FAM193A: variants seen among roughly 807,000 people sequenced by gnomAD.
FAM193A encodes family with sequence similarity 193 member A, also known as protein FAM193A.
A neutral mutation model predicts 126.5 loss-of-function variants in FAM193A; 22 were observed. The observed-to-expected ratio is 0.17, with a 90% CI of 0.12 to 0.25. The LOEUF (loss-of-function observed/expected upper bound fraction) is 0.25. FAM193A is among the 10% of genes least tolerant of loss of function. The pLI is 1.00. For synonymous variants in FAM193A, 761 were observed against 646.8 expected (o/e 1.18, Z -2.68); for missense variants, 1,675 against 1,672.8 (o/e 1.00, Z -0.02).
chr4:2,561,630 G>C (rs1408610810), intron 1 of FAM193A, among the ~76,000 whole-genome samples: 3 of 151,580 alleles, frequency 2.0e-5, no homozygotes, highest in Non-Finnish European at 4.4e-5. Context: ...CCGAGTAGCT[G>C]GGATTACAGC....
intron 1 of FAM193A, among the ~76,000 whole-genome samples, chr4:2,567,472 C>G (rs986460078): frequency 6.6e-6 from 1 of 152,076 alleles, no homozygotes; most frequent in South Asian, 2.1e-4. Context: ...GGTTTTAACA[C>G]AAAGTATTCA....
chr4:2,714,660 G>A lies in FAM193A; in HGVS notation c.4373-1363G>A, dbSNP rs575962429. 3.7e-4 allele frequency among the ~76,000 whole-genome samples: 56 copies of A among 152,284 alleles called. No individual in the cohort carries two copies. The South Asian group carries it at 0.011, about 30-fold the overall frequency. On this transcript the variant is annotated intron_variant, in intron 19 of 20. Coordinates refer to ENST00000637812, the MANE Select transcript of FAM193A (RefSeq NM_001366318.2). ...TGTCTGTGAACAAACACACTTGAAA[G>A]CACTTGCCTGGTGCTGTGTGAGTTG... is the stretch of plus-strand genomic sequence containing the variant.
chr4:2,690,777 A>C lies in FAM193A; in HGVS notation c.2610A>C (p.Ala870=), dbSNP rs373883738. 9 of 1,613,888 alleles carry C rather than the reference A, an allele frequency of 5.6e-6. No homozygotes were observed. The African/African-American group carries it at 8.0e-5, about 14-fold the overall frequency. Residue 870 remains alanine (A), a synonymous_variant, in exon 15 of 21, where the codon GCA becomes GCC. Transcript: ENST00000637812. ...LPPPSSNETP[A]VSDSKEKKNA... ...CTCCATCTAGCAATGAAACACCTGC[A>C]GTCTCGGATAGTAAAGAGAAAAAGA...
rs374603842 is a variant in FAM193A, at chr4:2,582,416, C to T, written c.256-13668C>T. Among the ~76,000 whole-genome samples, 6 of 152,252 alleles carry T rather than the reference C, an allele frequency of 3.9e-5. No homozygotes were observed. The South Asian group carries it at 8.3e-4, about 21-fold the overall frequency. On this transcript the variant is annotated intron_variant, in intron 1 of 20. Coordinates refer to ENST00000637812, the MANE Select transcript of FAM193A (RefSeq NM_001366318.2). The stretch of plus-strand genomic sequence containing the variant: ...CCAACAAGTGCTGGGATTACAGGCA[C>T]GAGCCCCATCGTACTTGGTCAGTGT...
intron 1 of FAM193A, among the ~76,000 whole-genome samples, chr4:2,558,223 C>A (rs1012462589): frequency 6.7e-6 from 1 of 149,624 alleles, no homozygotes; most frequent in African/African-American, 2.5e-5. Context: ...GAGCCTAGAT[C>A]GTGCTACTGT....
chr4:2,548,054 T>G (rs1737677665), intron 1 of FAM193A, among the ~76,000 whole-genome samples: 1 of 150,152 alleles, frequency 6.7e-6, no homozygotes, highest in Non-Finnish European at 1.5e-5. Flanking sequence ...GAGCAGTGTT[T>G]TATCAAGACT....
In FAM193A at chr4:2,729,124, C is replaced by T. The variant is rs138408487; in HGVS notation, c.4455-2651C>T. Among the ~76,000 whole-genome samples the T allele has an allele frequency of 5.3e-3, 805 of 152,128 alleles. 2 individuals carry two copies. The highest frequency in any genetic ancestry group is 6.6e-3 in the Non-Finnish European group (452 of 67,984). Reference sequence around the variant, plus strand: ...TAAAATAATAATTGGTCATAGCCAGCACCAGGGAAACTGAAGCTGGTGATC... The same window carrying T: ...TAAAATAATAATTGGTCATAGCCAGTACCAGGGAAACTGAAGCTGGTGATC... On this transcript the variant is annotated intron_variant, in intron 20 of 20. Transcript: ENST00000637812.
rs931693194 is a variant in FAM193A, at chr4:2,628,603, C to T, written c.803+2026C>T. 2.0e-5 allele frequency among the ~76,000 whole-genome samples: 3 copies of T among 152,052 alleles called. No homozygotes were observed. In the South Asian group the frequency reaches 6.2e-4, roughly 32 times the overall value. ...ACTGAGCTAGGATCGCTCCACTGCACACCAGCCTGGGCAACAGAGTAAAAT... is the reference window on the plus strand; with the variant it reads ...ACTGAGCTAGGATCGCTCCACTGCATACCAGCCTGGGCAACAGAGTAAAAT... On this transcript the variant is annotated intron_variant, in intron 4 of 20. Transcript: ENST00000637812.
At chr4:2,550,738 T>G (rs1006839844) in intron 1 of FAM193A, among the ~76,000 whole-genome samples, 2 of 151,790 alleles carry the variant, frequency 1.3e-5, no homozygotes, top group South Asian at 2.1e-4. Context: ...GCCTGTTGGT[T>G]GTTTTTTTTG....
At chr4:2,623,838 T>C (rs890406926) in intron 2 of FAM193A, among the ~76,000 whole-genome samples, 4 of 152,176 alleles carry the variant, frequency 2.6e-5, no homozygotes, top group Admixed American at 6.5e-5. Flanking sequence ...GGTGAATTCC[T>C]TTCTGGAAGT....
At chr4:2,605,593 T>C (rs942957941) in intron 2 of FAM193A, among the ~76,000 whole-genome samples, 2 of 152,182 alleles carry the variant, frequency 1.3e-5, no homozygotes, top group Non-Finnish European at 2.9e-5. Context: ...TGCTGAGCCA[T>C]AGGTGGTTTA....
At chr4:2,673,301 T>A (rs1277925061) in intron 13 of FAM193A, among the ~76,000 whole-genome samples, 1 of 152,240 alleles carries the variant, frequency 6.6e-6, no homozygotes, top group Non-Finnish European at 1.5e-5. Flanking sequence ...TGACATGGAA[T>A]GATTTTTTCC....
chr4:2,672,043 T>C, intron 12 of FAM193A, 78 bp from the exon 13 acceptor site: 1 of 1,506,950 alleles, frequency 6.6e-7, no homozygotes, highest in South Asian at 1.2e-5. Flanking sequence ...TTGTAACTAC[T>C]TGGCAGAATG....
At chr4:2,580,136 A>T (rs28850955) in intron 1 of FAM193A, among the ~76,000 whole-genome samples, 75 of 152,126 alleles carry the variant, frequency 4.9e-4, no homozygotes, top group African/African-American at 1.7e-3. Context: ...AGGGACTTGG[A>T]TGGAGCTAGA....
chr4:2,552,762 C>T (rs902218467), intron 1 of FAM193A, among the ~76,000 whole-genome samples: 4 of 151,326 alleles, frequency 2.6e-5, no homozygotes, highest in African/African-American at 9.7e-5. Flanking sequence ...TGGTCTTGAT[C>T]TCATGACCTC....
chr4:2,637,593 C>T (rs1373355080), intron 5 of FAM193A, among the ~76,000 whole-genome samples: 1 of 152,214 alleles, frequency 6.6e-6, no homozygotes, highest in African/African-American at 2.4e-5. Flanking sequence ...GAACAGTTTG[C>T]AGAGCCTGCC....
intron 20 of FAM193A, among the ~76,000 whole-genome samples, chr4:2,716,360 C>G (rs868361279): frequency 4.6e-5 from 7 of 152,186 alleles, no homozygotes; most frequent in South Asian, 2.1e-4. Context: ...GCTTCCCCCC[C>G]ACCCTTCCCC....
intron 14 of FAM193A, 24 bp from the exon 15 acceptor site, chr4:2,690,674 T>A: frequency 6.3e-7 from 1 of 1,593,838 alleles, no homozygotes; most frequent in Non-Finnish European, 8.5e-7. Flanking sequence ...TCAGAAGCCT[T>A]AATTTTCCTG....
intron 2 of FAM193A, among the ~76,000 whole-genome samples, chr4:2,608,580 A>G (rs1741680875): frequency 6.6e-6 from 1 of 152,164 alleles, no homozygotes; most frequent in Admixed American, 6.6e-5. Context: ...CAATATGCCC[A>G]TGGGCTTTGC....
Sources: allele counts gnomAD v4.1 joint callset (sites outside exome capture counted in the v4.1 genomes callset), GRCh38; gene constraint gnomAD v4.1.1; transcripts MANE v1.5; gene names NCBI Gene and HGNC (gene_info 2026-07-23, HGNC 2026-07-21).